CACNA1E: variants seen among roughly 807,000 people sequenced by gnomAD.
CACNA1E encodes calcium voltage-gated channel subunit alpha1 E.
Under a neutral mutation model 259.2 loss-of-function variants are expected in CACNA1E, and 40 were observed. The ratio of observed to expected loss-of-function variants is 0.15; its 90% CI spans 0.12 to 0.20. The LOEUF (loss-of-function observed/expected upper bound fraction) is 0.20. Ranked by LOEUF, CACNA1E falls within the 10% of genes least tolerant of loss-of-function variation. CACNA1E has a pLI of 1.00. For missense variants in CACNA1E, 1,874 were observed against 3,040.1 expected (o/e 0.62, Z 9.02); for synonymous variants, 1,104 against 1,138.5 (o/e 0.97, Z 0.61).
intron 1 of CACNA1E, among the ~76,000 whole-genome samples, chr1:181,388,173 G>T (rs73042276): frequency 0.065 from 9,919 of 152,240 alleles, 984 homozygotes; most frequent in African/African-American, 0.21. Flanking sequence ...GGAACATCAT[G>T]CTAGATGTTC....
chr1:181,583,254 T>A (rs1448057616), intron 6 of CACNA1E, among the ~76,000 whole-genome samples: 1 of 152,046 alleles, frequency 6.6e-6, no homozygotes, highest in Non-Finnish European at 1.5e-5. Context: ...TATAGAAAAA[T>A]GACTCACTAA....
At chr1:181,525,765 C>A (rs563984917) in intron 3 of CACNA1E, among the ~76,000 whole-genome samples, 1 of 152,178 alleles carries the variant, frequency 6.6e-6, no homozygotes, top group Non-Finnish European at 1.5e-5. Flanking sequence ...ATGGTTGTCA[C>A]GAGTCTTTGG....
chr1:181,708,301 G>A (rs1652994864), intron 7 of CACNA1E, among the ~76,000 whole-genome samples: 1 of 152,174 alleles, frequency 6.6e-6, no homozygotes, highest in Non-Finnish European at 1.5e-5. Flanking sequence ...TAGAAGAGGG[G>A]CTAATAGAGT....
Position 181,664,701 on chromosome 1 carries a change from G to T in CACNA1E, c.1055+13260G>T, listed in dbSNP as rs1190982269. On this transcript the variant is annotated intron_variant, in intron 7 of 47. Transcript: ENST00000367573. The stretch of plus-strand genomic sequence containing the variant: ...AGCAGAGGCAGTGTCAGGATAGGTG[G>T]TTCTGGGGGCTCAGCCAAGGTGAGA... Among the ~76,000 whole-genome samples, 4 of 152,066 alleles carry T rather than the reference G, an allele frequency of 2.6e-5. No individual in the cohort carries two copies. In the East Asian group the frequency reaches 7.7e-4, roughly 29 times the overall value.
At chr1:181,646,902 G>C (rs1658318622) in intron 6 of CACNA1E, among the ~76,000 whole-genome samples, 1 of 152,228 alleles carries the variant, frequency 6.6e-6, no homozygotes, top group South Asian at 2.1e-4. Context: ...TGTCAGGACT[G>C]GTACCCGCTG....
At position 181,804,846 on chromosome 1, in the gene CACNA1E, G is replaced by A. The variant is rs1400409363; in HGVS notation, c.*6012G>A. On this transcript the variant is annotated 3_prime_UTR_variant, in exon 48 of 48. Coordinates refer to ENST00000367573, the MANE Select transcript of CACNA1E (RefSeq NM_001205293.3). ...TTTTTAAGGAAACTTCCTGTTTAAT[G>A]GAATCTGAATCCAAGATTTGCTTTA... 1 of 150,728 alleles carries A rather than the reference G, an allele frequency of 6.6e-6. No homozygotes were observed. Among genetic ancestry groups the A allele is most frequent in the Non-Finnish European group, 1.5e-5 (1 of 67,786 alleles). 9.3% of individuals were successfully genotyped at this position (150,728 alleles called of 1,614,324 possible).
chr1:181,478,803 A>G (rs1408327506), upstream of CACNA1E, among the ~76,000 whole-genome samples: 1 of 152,198 alleles, frequency 6.6e-6, no homozygotes, highest in Non-Finnish European at 1.5e-5. Context: ...TAATAGGCCA[A>G]CTGCTTCTCC....
rs150976717 is a variant in CACNA1E, at chr1:181,470,064, AGAGT to A, written c.435-13676_435-13673del. 1.4e-3 allele frequency among the ~76,000 whole-genome samples: 209 copies of A among 151,884 alleles called. 7 individuals carry two copies. The East Asian group carries it at 0.035, about 25-fold the overall frequency. On this transcript the variant is annotated intron_variant, in intron 2 of 11. Transcript: ENST00000524607. ...TACAGAGAGAGAGAGTGAGAGAGAGAGAGTGAGAGAGAGAGAGCGTGAGAGAAAG... is the reference window on the plus strand; with the variant it reads ...TACAGAGAGAGAGAGTGAGAGAGAGAGAGAGAGAGAGAGCGTGAGAGAAAG...
chr1:181,482,233 G>A (rs1440538766), upstream of CACNA1E, among the ~76,000 whole-genome samples: 1 of 152,220 alleles, frequency 6.6e-6, no homozygotes, highest in Non-Finnish European at 1.5e-5. Context: ...GGCGCTAGGC[G>A]CGCAAAGGCC....
upstream of CACNA1E, among the ~76,000 whole-genome samples, chr1:181,480,102 C>T (rs983985931): frequency 2.6e-5 from 4 of 152,048 alleles, no homozygotes; most frequent in Non-Finnish European, 4.4e-5. Flanking sequence ...CATAGTGAGA[C>T]CGTCGTCTCT....
intron 3 of CACNA1E, among the ~76,000 whole-genome samples, chr1:181,549,495 G>A (rs1348982882): frequency 6.6e-6 from 1 of 152,110 alleles, no homozygotes; most frequent in Non-Finnish European, 1.5e-5. Context: ...GGGGTGGTTG[G>A]GTGTAGACAC....
rs564323543 is a variant in CACNA1E at position 181,588,075 on chromosome 1, G to A, written c.951+7299G>A. 2.9e-4 allele frequency among the ~76,000 whole-genome samples: 44 copies of A among 152,226 alleles called. No homozygotes were observed. In the South Asian group the frequency reaches 6.2e-3, roughly 22 times the overall value. ...AGGAGAGTGAGTGTGTGCATGTGCC[G>A]CACATGTGCAGAGTAAGCTGTGACT... On this transcript the variant is annotated intron_variant, in intron 6 of 47. Coordinates refer to ENST00000367573, the MANE Select transcript of CACNA1E (RefSeq NM_001205293.3).
chr1:181,537,103 T>C (rs1405919619), intron 3 of CACNA1E, among the ~76,000 whole-genome samples: 4 of 122,706 alleles, frequency 3.3e-5, no homozygotes, highest in South Asian at 3.9e-4. Context: ...TTCTTTTTTT[T>C]TTTTTTTTTT....
At chr1:181,703,570 T>A (rs2102388869) in intron 7 of CACNA1E, among the ~76,000 whole-genome samples, 1 of 152,322 alleles carries the variant, frequency 6.6e-6, no homozygotes, top group East Asian at 1.9e-4. Flanking sequence ...TTCCCCTGTG[T>A]CTACTCAAAC....
chr1:181,724,331 C>A, intron 16 of CACNA1E, 139 bp from the exon 17 acceptor site: 2 of 644,926 alleles, frequency 3.1e-6, no homozygotes, highest in South Asian at 3.7e-5. Context: ...TCTGTTCTCA[C>A]AGCCCCTGCT....
At chr1:181,730,155 C>A (rs983752552) in intron 18 of CACNA1E, among the ~76,000 whole-genome samples, 5 of 152,224 alleles carry the variant, frequency 3.3e-5, no homozygotes, top group African/African-American at 1.2e-4. Context: ...GGCTCTTCTG[C>A]AGACATGTGA....
At chr1:181,666,304 G>A (rs971869267) in intron 7 of CACNA1E, among the ~76,000 whole-genome samples, 3 of 152,202 alleles carry the variant, frequency 2.0e-5, no homozygotes, top group African/African-American at 7.2e-5. Flanking sequence ...TAGATGTTGA[G>A]CTTCTGTGTG....
chr1:181,598,655 A>C (rs1285658975), intron 6 of CACNA1E, among the ~76,000 whole-genome samples: 1 of 152,196 alleles, frequency 6.6e-6, no homozygotes. Context: ...GAAATTATCA[A>C]TGACTTATCT....
In CACNA1E at chr1:181,732,433, A is replaced by T. The variant is rs1172760783; in HGVS notation, c.2347A>T (p.Ser783Cys). The T allele has an allele frequency of 6.5e-7, 1 of 1,548,182 alleles. No homozygotes were observed. The highest frequency in any genetic ancestry group is 1.4e-5 in the African/African-American group (1 of 73,018). The stretch of plus-strand genomic sequence containing the variant: ...CATGTCCGTGTGGGAGCAGCGTACC[A>T]GCCAGCTGAGGAAGCACATGCAGAT... The part of the protein sequence containing the change: ...HHMSVWEQRT[S>C]QLRKHMQMSS... The change falls in exon 20 of 48, where the codon AGC (serine) becomes TGC (cysteine). Residue 783 changes from serine to cysteine, a missense_variant. Ser to Cys is a moderately radical substitution (Grantham distance 112). Transcript: ENST00000367573. The surrounding 1 kb of genome is among the most constrained non-coding windows in gnomAD (Gnocchi z 5.5).
Sources: gnomAD v4.1 joint callset for allele counts (sites outside exome capture counted in the v4.1 genomes callset) on GRCh38, gnomAD v4.1.1 for gene constraint, Gnocchi (gnomAD v3.1) non-coding constraint, MANE v1.5 for transcripts, NCBI Gene and HGNC (gene_info 2026-07-23, HGNC 2026-07-21) for gene names.